Variants in JARID2 observed in about 807,000 individuals in gnomAD.
JARID2 encodes the protein protein Jumonji.
A neutral mutation model predicts 125.6 loss-of-function variants in JARID2; 21 were observed. That is an observed-to-expected ratio of 0.17 (90% confidence interval 0.12 to 0.24). The LOEUF is 0.24. Ranked by LOEUF, JARID2 falls within the 10% of genes least tolerant of loss-of-function variation. The probability of loss-of-function intolerance (pLI) is 1.00; values close to 1 mark genes in which losing one functional copy is unlikely to be tolerated. For synonymous variants in JARID2, 736 were observed against 661.6 expected (o/e 1.11, Z -1.73); for missense variants, 1,303 against 1,639.6 (o/e 0.79, Z 3.55).
chr6:15,400,867 G>A (rs1389934760), intron 2 of JARID2: 8 of 1,286,198 alleles, frequency 6.2e-6, no homozygotes, highest in South Asian at 2.5e-5. Flanking sequence ...CAAGTGCTCC[G>A]GAGCCTGCCT....
At chr6:15,429,243 G>A (rs1766868766) in intron 3 of JARID2, among the ~76,000 whole-genome samples, 1 of 151,886 alleles carries the variant, frequency 6.6e-6, no homozygotes, top group African/African-American at 2.4e-5. Context: ...CCAACTATTA[G>A]GAAAAGGAAT....
intron 3 of JARID2, among the ~76,000 whole-genome samples, chr6:15,412,781 C>T (rs1272868263): frequency 6.6e-6 from 1 of 152,184 alleles, no homozygotes; most frequent in African/African-American, 2.4e-5. Context: ...CGGTAGTATA[C>T]TGTTGAAACT....
At chr6:15,313,576 C>T (rs930610573) in intron 1 of JARID2, among the ~76,000 whole-genome samples, 1 of 152,144 alleles carries the variant, frequency 6.6e-6, no homozygotes, top group South Asian at 2.1e-4. Flanking sequence ...GTTGGTGCCG[C>T]GGCAGCATGC....
At chr6:15,468,503 A>C in intron 4 of JARID2, 39 bp from the exon 5 acceptor site, 20 of 1,572,964 alleles carry the variant, frequency 1.3e-5, no homozygotes, top group Non-Finnish European at 1.7e-5. Context: ...GGTGAGGGTC[A>C]AGGCCTGTGT....
intron 2 of JARID2, among the ~76,000 whole-genome samples, chr6:15,404,537 A>G (rs1489313999): frequency 1.1e-4 from 9 of 79,746 alleles, no homozygotes; most frequent in African/African-American, 1.3e-4. Flanking sequence ...ACACACACAC[A>G]CACACACACA....
chr6:15,268,076 G>T (rs922347211), intron 1 of JARID2, among the ~76,000 whole-genome samples: 1 of 152,144 alleles, frequency 6.6e-6, no homozygotes, highest in African/African-American at 2.4e-5. Context: ...CCTAGAAATT[G>T]TGATAGTGTG....
Position 15,520,694 on chromosome 6 carries a change from C to CAA in JARID2, c.*444_*445insAA. ...AAGGGATAGGAGACACACGCGCACA[C>CAA]ACACACACACACGAAACTTGAAATG... is the stretch of plus-strand genomic sequence containing the variant. On this transcript the variant is annotated 3_prime_UTR_variant, in exon 18 of 18. Transcript: ENST00000341776. 2.2e-6 allele frequency: 1 copy of CAA among 451,580 alleles called. No homozygotes were observed. Among genetic ancestry groups the CAA allele is most frequent in the Non-Finnish European group, 4.5e-6 (1 of 223,830 alleles). 28.0% of individuals were successfully genotyped at this position (451,580 alleles called of 1,614,324 possible). A position where few individuals can be genotyped will look rare whatever the true frequency, so the allele number is the denominator to read the frequency against.
At chr6:15,473,514 G>GCCGCCCCCCCCCC (rs1451318951) in intron 5 of JARID2, among the ~76,000 whole-genome samples, 1 of 35,000 alleles carries the variant, frequency 2.9e-5, no homozygotes, top group African/African-American at 7.2e-5. Flanking sequence ...TGATGTGCGT[G>GCCGCCCCCCCCCC]CCCCCCCCCC....
At chr6:15,422,989 T>A (rs987314586) in intron 3 of JARID2, among the ~76,000 whole-genome samples, 1 of 150,892 alleles carries the variant, frequency 6.6e-6, no homozygotes, top group Non-Finnish European at 1.5e-5. Context: ...CCTAGTCTTT[T>A]TTTTTTTTTT....
chr6:15,312,688 T>C (rs1322155168), intron 1 of JARID2, among the ~76,000 whole-genome samples: 1 of 152,210 alleles, frequency 6.6e-6, no homozygotes, highest in Non-Finnish European at 1.5e-5. Flanking sequence ...GGTTCAGTAG[T>C]CTCCTCTCTT....
rs549457470 is a variant in JARID2, at chr6:15,407,790, G to C, written c.182-2434G>C. On this transcript the variant is annotated intron_variant, in intron 2 of 17. Transcript: ENST00000341776. ...TTCTTTTCTTCACTTACTACTGAGTGATGCATATGTCTGTGTTTGTCTGTC... is the reference window on the plus strand; with the variant it reads ...TTCTTTTCTTCACTTACTACTGAGTCATGCATATGTCTGTGTTTGTCTGTC... Among the ~76,000 whole-genome samples the C allele has an allele frequency of 3.9e-5, 6 of 152,268 alleles. No homozygotes were observed. The East Asian group carries it at 1.2e-3, about 29-fold the overall frequency.
chr6:15,267,445 C>T (rs2127345393), intron 1 of JARID2, among the ~76,000 whole-genome samples: 1 of 152,230 alleles, frequency 6.6e-6, no homozygotes, highest in African/African-American at 2.4e-5. Context: ...CAGGAGGGAA[C>T]CGATACCTTC....
chr6:15,497,866 C>G (rs576820586), intron 7 of JARID2, among the ~76,000 whole-genome samples: 3 of 152,198 alleles, frequency 2.0e-5, no homozygotes, highest in African/African-American at 7.2e-5. Flanking sequence ...TGGTTTCTCC[C>G]GAAACCAACA....
intron 3 of JARID2, among the ~76,000 whole-genome samples, chr6:15,425,782 G>T (rs191304860): frequency 3.3e-5 from 5 of 152,302 alleles, no homozygotes; most frequent in Admixed American, 6.5e-5. Flanking sequence ...GACTAAGAGC[G>T]CAAGTGTGCT....
Position 15,248,824 on chromosome 6 carries a change from C to G in JARID2, c.45+2240C>G, listed in dbSNP as rs1211798021. The G allele has an allele frequency of 1.1e-5, 9 of 797,868 alleles. No individual in the cohort carries two copies. In the African/African-American group the frequency reaches 1.7e-4, roughly 15 times the overall value. 49.4% of individuals were successfully genotyped at this position (797,868 alleles called of 1,614,324 possible). A position where few individuals can be genotyped will look rare whatever the true frequency, so the allele number is the denominator to read the frequency against. ...CAAAAGTCGGGCGGGAGGCTCCAGGCGCGGCGGGGCGGCGGGGGGAGGAGG... is the reference window on the plus strand; with the variant it reads ...CAAAAGTCGGGCGGGAGGCTCCAGGGGCGGCGGGGCGGCGGGGGGAGGAGG... On this transcript the variant is annotated intron_variant, in intron 1 of 17. Coordinates refer to ENST00000341776, the MANE Select transcript of JARID2 (RefSeq NM_004973.4).
At position 15,246,333 on chromosome 6, in the gene JARID2, C is replaced by A; in HGVS notation, c.-207C>A. On this transcript the variant is annotated 5_prime_UTR_variant, in exon 1 of 18. Coordinates refer to ENST00000341776, the MANE Select transcript of JARID2 (RefSeq NM_004973.4). ...TGAATTTTTTTTTGTTTGCTTCGTT[C>A]GTCTTTGGCTCTTTTTTTTTCCTTC... 1 of 541,854 alleles carries A rather than the reference C, an allele frequency of 1.8e-6. No homozygotes were observed. The allele number at this position is 541,854 out of a possible 1,614,324, so 33.6% of individuals were successfully genotyped here.
At chr6:15,410,460 C>A in intron 3 of JARID2, 95 bp downstream of exon 3, 1 of 1,239,846 alleles carries the variant, frequency 8.1e-7, no homozygotes, top group Non-Finnish European at 1.1e-6. Context: ...GCCCATTCAC[C>A]CAATCTCTTG....
At chr6:15,408,354 A>G (rs991119551) in intron 2 of JARID2, among the ~76,000 whole-genome samples, 3 of 151,748 alleles carry the variant, frequency 2.0e-5, no homozygotes, top group African/African-American at 7.3e-5. Flanking sequence ...TTTAACCAGC[A>G]TTTTTATTTT....
At chr6:15,435,603 A>C (rs921589848) in intron 3 of JARID2, among the ~76,000 whole-genome samples, 1 of 152,152 alleles carries the variant, frequency 6.6e-6, no homozygotes, top group Non-Finnish European at 1.5e-5. Context: ...AATTTCCATC[A>C]GTAATTTCTT....
Sources: allele counts gnomAD v4.1 joint callset (sites outside exome capture counted in the v4.1 genomes callset), GRCh38; gene constraint gnomAD v4.1.1; transcripts MANE v1.5; gene names NCBI Gene and HGNC (gene_info 2026-07-23, HGNC 2026-07-21).